Variants in ACTR3C observed in about 807,000 individuals in gnomAD.
ACTR3C encodes the protein actin related protein 3C.
ACTR3C carries 18 observed loss-of-function variants against 26.3 expected under a neutral mutation model. The ratio of observed to expected loss-of-function variants is 0.68; its 90% CI spans 0.47 to 1.01. The LOEUF is 1.01. Among genes scored for constraint, ACTR3C ranks in the 50% least tolerant of loss-of-function variants. The probability of loss-of-function intolerance (pLI) is 0.00; values close to 1 mark genes in which losing one functional copy is unlikely to be tolerated. For missense variants in ACTR3C, 184 were observed against 250.7 expected, an observed-to-expected ratio of 0.73 and a Z score of 1.80; for synonymous variants, 55 against 94.5, an observed-to-expected ratio of 0.58 and a Z score of 2.42.
rs529407237 is a variant in ACTR3C, at chr7:150,250,114, A to G, written c.565-1060T>C. 9.0e-3 allele frequency among the ~76,000 whole-genome samples: 1,371 copies of G among 151,744 alleles called. 23 individuals carry two copies. Among genetic ancestry groups the G allele is most frequent in the Non-Finnish European group, 0.013 (887 of 67,976 alleles). On this transcript the variant is annotated intron_variant, in intron 6 of 7. Transcript: ENST00000683684. The stretch of plus-strand genomic sequence containing the variant: ...TAGATTATGTGGGGCTGTTGGTTAC[A>G]TTGAGGCCACTGTAAAGTGATTGGA...
At chr7:150,276,805 T>C (rs1372630681) in intron 6 of ACTR3C, among the ~76,000 whole-genome samples, 1 of 152,190 alleles carries the variant, frequency 6.6e-6, no homozygotes, top group African/African-American at 2.4e-5. Context: ...CTGTGTGACC[T>C]CTCAGTGCCA....
At chr7:149,969,532 T>C in the ACTR3C span, among the ~76,000 whole-genome samples, 4 of 152,170 alleles carry the variant, frequency 2.6e-5, no homozygotes, top group African/African-American at 9.7e-5. Context: ...CTTGACTACA[T>C]TTCCTCACCA....
the ACTR3C span, among the ~76,000 whole-genome samples, chr7:149,892,868 A>G: frequency 5.3e-5 from 8 of 149,992 alleles, no homozygotes; most frequent in Non-Finnish European, 8.9e-5. Context: ...ACAGGAAGAA[A>G]AAAAGCCGTT....
At chr7:149,914,503 G>T in the ACTR3C span, among the ~76,000 whole-genome samples, 1 of 151,630 alleles carries the variant, frequency 6.6e-6, no homozygotes, top group Non-Finnish European at 1.5e-5. Context: ...TGAGGCACAA[G>T]AATCGCGTGA....
the ACTR3C span, among the ~76,000 whole-genome samples, chr7:150,037,806 G>A: frequency 1.8e-5 from 1 of 56,046 alleles, no homozygotes; most frequent in South Asian, 5.0e-4. Flanking sequence ...GAGCCAGCGG[G>A]GGAAGAGGGA....
chr7:149,934,646 T>C, the ACTR3C span, among the ~76,000 whole-genome samples: 11 of 151,440 alleles, frequency 7.3e-5, no homozygotes, highest in Middle Eastern at 6.8e-3. Flanking sequence ...GGAGCTTATA[T>C]GGTGAATCTC....
intron 1 of ACTR3C, among the ~76,000 whole-genome samples, chr7:150,299,124 A>G (rs567542253): frequency 6.6e-5 from 10 of 151,810 alleles, no homozygotes; most frequent in African/African-American, 2.4e-4. Context: ...CTGGGATTAC[A>G]GGCACATGCC....
chr7:150,222,694 A>C, the ACTR3C span, among the ~76,000 whole-genome samples: 1 of 151,976 alleles, frequency 6.6e-6, no homozygotes, highest in Non-Finnish European at 1.5e-5. Context: ...GAGCTTGATG[A>C]CTCACCCTCG....
At chr7:150,054,300 C>A in the ACTR3C span, among the ~76,000 whole-genome samples, 1 of 152,220 alleles carries the variant, frequency 6.6e-6, no homozygotes, top group Non-Finnish European at 1.5e-5. Context: ...CCACCCCAGG[C>A]CCCCTGCAGG....
chr7:150,076,981 A>G, the ACTR3C span, among the ~76,000 whole-genome samples: 5 of 152,108 alleles, frequency 3.3e-5, no homozygotes, highest in Admixed American at 2.0e-4. Flanking sequence ...CCTGGCCAAC[A>G]TGGTGAAACC....
At chr7:150,174,898 T>C in the ACTR3C span, among the ~76,000 whole-genome samples, 1 of 142,974 alleles carries the variant, frequency 7.0e-6, no homozygotes, top group Non-Finnish European at 1.5e-5. Flanking sequence ...AGAATACTTA[T>C]TATTGTTAAG....
chr7:150,308,819 G>T (rs1261675324), intron 1 of ACTR3C, among the ~76,000 whole-genome samples: 1 of 152,166 alleles, frequency 6.6e-6, no homozygotes, highest in Non-Finnish European at 1.5e-5. Context: ...TCTTAGAGAG[G>T]TGGCTGGAGC....
the ACTR3C span, chr7:149,882,127 C>G: frequency 6.6e-6 from 1 of 152,466 alleles, no homozygotes; most frequent in East Asian, 1.9e-4. Flanking sequence ...CTGCCAGTTC[C>G]TGCCGCTGCA....
At position 150,249,001 on chromosome 7, in the gene ACTR3C, T is replaced by C; in HGVS notation, c.618A>G (p.Ser206=). Residue 206 remains serine (S), a synonymous_variant, in exon 7 of 8, where the codon TCA becomes TCG. Transcript: ENST00000683684. ...ATATATCATCTCAATGAAATGGAGG[T>C]GACAGAGGATGGAATCCGTGACCTT... ...YPQGHGFHPL[S]PPFH The C allele has an allele frequency of 1.5e-6, 1 of 681,306 alleles. No individual in the cohort carries two copies. Among genetic ancestry groups the C allele is most frequent in the South Asian group, 1.6e-5 (1 of 63,002 alleles). 42.2% of individuals were successfully genotyped at this position (681,306 alleles called of 1,614,324 possible). A position where few individuals can be genotyped will look rare whatever the true frequency, so the allele number is the denominator to read the frequency against.
chr7:150,196,153 C>T, the ACTR3C span, among the ~76,000 whole-genome samples: 1 of 152,158 alleles, frequency 6.6e-6, no homozygotes, highest in Non-Finnish European at 1.5e-5. Context: ...TAATTTTGGA[C>T]CAATTAATTC....
chr7:150,049,379 C>CGGGAAACCCCAACTCCAGAGG, the ACTR3C span, among the ~76,000 whole-genome samples: 1 of 152,200 alleles, frequency 6.6e-6, no homozygotes, highest in Non-Finnish European at 1.5e-5. Flanking sequence ...GAACGTGGGC[C>CGGGAAACCCCAACTCCAGAGG]GGGAAACCCC....
At chr7:150,031,364 G>A in the ACTR3C span, among the ~76,000 whole-genome samples, 1 of 152,144 alleles carries the variant, frequency 6.6e-6, no homozygotes, top group South Asian at 2.1e-4. Flanking sequence ...GAATGTGAGG[G>A]TCTCCAACAG....
chr7:150,037,356 C>G, the ACTR3C span, among the ~76,000 whole-genome samples: 2 of 58,338 alleles, frequency 3.4e-5, no homozygotes, highest in Admixed American at 1.8e-4. Flanking sequence ...GTCTGGCTCT[C>G]AGTCCCCGCC....
chr7:150,096,136 T>C, the ACTR3C span, among the ~76,000 whole-genome samples: 1 of 149,218 alleles, frequency 6.7e-6, no homozygotes, highest in Non-Finnish European at 1.5e-5. Context: ...TTACACATTT[T>C]TATTTTCTGC....
Sources: gnomAD v4.1 joint callset for allele counts (sites outside exome capture counted in the v4.1 genomes callset) on GRCh38, gnomAD v4.1.1 for gene constraint, MANE v1.5 for transcripts, NCBI Gene and HGNC (gene_info 2026-07-23, HGNC 2026-07-21) for gene names.